The following PLEKHA5 variants were observed in gnomAD, a reference collection of about 807,000 sequenced individuals.
The protein encoded by PLEKHA5 is pleckstrin homology domain-containing family A member 5.
PLEKHA5 carries 55 observed loss-of-function variants against 181.9 expected under a neutral mutation model. The ratio of observed to expected loss-of-function variants is 0.30; its 90% CI spans 0.24 to 0.38. The LOEUF (loss-of-function observed/expected upper bound fraction) is 0.38. Among genes scored for constraint, PLEKHA5 ranks in the 10% least tolerant of loss-of-function variants. The pLI is 1.00. For synonymous variants in PLEKHA5, 535 were observed against 529.4 expected, an observed-to-expected ratio of 1.01 and a Z score of -0.15; for missense variants, 1,432 against 1,549.5, an observed-to-expected ratio of 0.92 and a Z score of 1.27.
rs2095124211 is a variant in PLEKHA5 at position 19,359,655 on chromosome 12, A to G, written c.3483+109A>G. The G allele has an allele frequency of 2.7e-6, 3 of 1,108,168 alleles. No homozygotes were observed. In the Admixed American group the frequency reaches 7.2e-5, roughly 26 times the overall value. 68.6% of individuals were successfully genotyped at this position (1,108,168 alleles called of 1,614,324 possible). On this transcript the variant is annotated intron_variant, in intron 28 of 31. Coordinates refer to ENST00000429027, the MANE Select transcript of PLEKHA5 (RefSeq NM_001256470.2). ...TGTTTCTTTCAGTCACAGAGTCCAT[A>G]GAGCTAAATGAAAAAATAAGCTTTC...
chr12:19,254,596 G>A (rs970196563), intron 4 of PLEKHA5, among the ~76,000 whole-genome samples: 3 of 152,238 alleles, frequency 2.0e-5, no homozygotes, highest in South Asian at 2.1e-4. Flanking sequence ...CAAGGTGGGC[G>A]AATCACTTGA....
intron 15 of PLEKHA5, among the ~76,000 whole-genome samples, chr12:19,313,364 C>T (rs1036402748): frequency 1.8e-4 from 28 of 152,070 alleles, no homozygotes; most frequent in African/African-American, 2.4e-5. Flanking sequence ...AACAGATCAC[C>T]GTAACACTTA....
intron 8 of PLEKHA5, among the ~76,000 whole-genome samples, chr12:19,268,811 G>A (rs897970899): frequency 6.6e-6 from 1 of 152,026 alleles, no homozygotes; most frequent in Non-Finnish European, 1.5e-5. Flanking sequence ...CCCCACTCAG[G>A]GAGTCCAGTA....
At chr12:19,269,466 A>G (rs979763574) in intron 8 of PLEKHA5, among the ~76,000 whole-genome samples, 2 of 150,632 alleles carry the variant, frequency 1.3e-5, no homozygotes, top group African/African-American at 4.9e-5. Context: ...AAGAGGCACC[A>G]CTAAGTACTT....
chr12:19,138,679 A>C (rs1016222385), intron 3 of PLEKHA5, among the ~76,000 whole-genome samples: 3 of 151,916 alleles, frequency 2.0e-5, no homozygotes, highest in Admixed American at 6.6e-5. Flanking sequence ...GTGGGAGTTG[A>C]GCTAGGCCTG....
chr12:19,314,850 A>C lies in PLEKHA5; in HGVS notation c.2074A>C (p.Thr692Pro). The change falls in exon 16 of 32, where the codon ACA becomes CCA. Residue 692 changes from threonine to proline, a missense_variant. Physicochemically the swap from Thr to Pro is conservative, Grantham distance 38. This residue lies in a region of PLEKHA5 where 1,143 missense variants were observed against 1,168.4 expected (regional missense o/e 0.98). Transcript: ENST00000429027. ...TGAACCTATTATCACCATGGTTCAC[A>C]CAATGATTGAGAACTCGGCGCTAAG... ...ENEPIITMVH[T>P]MIENSALRPQ... The C allele has an allele frequency of 6.5e-7, 1 of 1,548,850 alleles. No individual in the cohort carries two copies. The highest frequency in any genetic ancestry group is 1.4e-5 in the African/African-American group (1 of 73,106).
At chr12:19,269,106 T>A (rs753228727) in intron 8 of PLEKHA5, among the ~76,000 whole-genome samples, 1 of 151,994 alleles carries the variant, frequency 6.6e-6, no homozygotes, top group East Asian at 1.9e-4. Context: ...AATATTCTTA[T>A]TCTGGGTGTG....
chr12:19,358,946 C>T (rs191698208), intron 27 of PLEKHA5, among the ~76,000 whole-genome samples: 2 of 152,180 alleles, frequency 1.3e-5, no homozygotes, highest in East Asian at 1.9e-4. Context: ...TTGTTTTTTG[C>T]CCCTCTTTAT....
At chr12:19,179,488 G>A (rs570011668) in intron 3 of PLEKHA5, among the ~76,000 whole-genome samples, 5 of 151,988 alleles carry the variant, frequency 3.3e-5, no homozygotes, top group South Asian at 4.2e-4. Flanking sequence ...GCGAAAGCCC[G>A]TCTTTACTAA....
At chr12:19,353,266 G>C (rs1204022067) in intron 25 of PLEKHA5, among the ~76,000 whole-genome samples, 1 of 152,044 alleles carries the variant, frequency 6.6e-6, no homozygotes, top group Non-Finnish European at 1.5e-5. Flanking sequence ...CGATTCTCCT[G>C]CCTCAGCTTC....
chr12:19,283,258 T>G (rs1332786540), intron 11 of PLEKHA5, 22 bp from the exon 12 acceptor site: 1 of 1,471,104 alleles, frequency 6.8e-7, no homozygotes, highest in African/African-American at 1.4e-5. Context: ...ATGTTTACAT[T>G]TTAATTATTT....
chr12:19,281,948 A>G (rs2076275242), intron 11 of PLEKHA5, among the ~76,000 whole-genome samples: 1 of 151,778 alleles, frequency 6.6e-6, no homozygotes, highest in South Asian at 2.1e-4. Context: ...CGCCCGGCTA[A>G]TTTTTTTGTA....
intron 3 of PLEKHA5, among the ~76,000 whole-genome samples, chr12:19,159,856 T>C (rs1229357540): frequency 6.6e-6 from 1 of 152,170 alleles, no homozygotes; most frequent in Non-Finnish European, 1.5e-5. Context: ...CATCAGTGAA[T>C]TCATTTTTTA....
At chr12:19,299,854 T>C (rs2080962477) in intron 15 of PLEKHA5, among the ~76,000 whole-genome samples, 1 of 152,174 alleles carries the variant, frequency 6.6e-6, no homozygotes, top group South Asian at 2.1e-4. Flanking sequence ...TGTCACAGAC[T>C]CCTTTTGCCT....
chr12:19,364,840 A>G (rs1228449689), intron 29 of PLEKHA5, among the ~76,000 whole-genome samples: 1 of 151,792 alleles, frequency 6.6e-6, no homozygotes, highest in Non-Finnish European at 1.5e-5. Context: ...TAATTTTTGT[A>G]TTTTAGTAGA....
intron 30 of PLEKHA5, 86 bp downstream of exon 30, chr12:19,366,195 G>T: frequency 8.6e-7 from 1 of 1,164,354 alleles, no homozygotes; most frequent in Non-Finnish European, 1.3e-6. Context: ...TCTAAGAAGG[G>T]AATCGCTTAA....
At chr12:19,200,442 C>T in intron 3 of PLEKHA5, 2 of 1,480,026 alleles carry the variant, frequency 1.4e-6, no homozygotes, top group Non-Finnish European at 1.8e-6. Context: ...GTTGACAAAA[C>T]AGCATATTCT....
chr12:19,371,721 C>T (rs954453099), intron 31 of PLEKHA5: 1 of 152,366 alleles, frequency 6.6e-6, no homozygotes, highest in Non-Finnish European at 1.5e-5. Flanking sequence ...TTGGTGGACT[C>T]TTAGGTTGGT....
At position 19,346,923 on chromosome 12, in the gene PLEKHA5, A is replaced by G. The variant is rs1444442086; in HGVS notation, c.2710-71A>G. 4.9e-5 allele frequency: 46 copies of G among 947,026 alleles called. 1 individual carries two copies. Among genetic ancestry groups the G allele is most frequent in the Non-Finnish European group, 4.3e-5 (29 of 668,272 alleles). The allele number at this position is 947,026 out of a possible 1,614,324, so 58.7% of individuals were successfully genotyped here. Reference sequence around the variant, plus strand: ...TAAAGTAAATTTAAGTTAATATACCATTGCAAAGAATTTAGATATGCTTAA... The same window carrying G: ...TAAAGTAAATTTAAGTTAATATACCGTTGCAAAGAATTTAGATATGCTTAA... On this transcript the variant is annotated intron_variant, in intron 23 of 31. Coordinates refer to ENST00000429027, the MANE Select transcript of PLEKHA5 (RefSeq NM_001256470.2).
Sources: gnomAD v4.1 joint callset for allele counts (sites outside exome capture counted in the v4.1 genomes callset) on GRCh38, gnomAD v4.1.1 for gene constraint, gnomAD v4.1.1 regional missense constraint, MANE v1.5 for transcripts, NCBI Gene and HGNC (gene_info 2026-07-23, HGNC 2026-07-21) for gene names.